The following PPARGC1B variants were observed in gnomAD, a reference collection of about 807,000 sequenced individuals.
PPARGC1B encodes the protein PPARG coactivator 1 beta.
PPARGC1B carries 34 observed loss-of-function variants against 101.6 expected under a neutral mutation model. The ratio of observed to expected loss-of-function variants is 0.33; its 90% CI spans 0.25 to 0.45. The LOEUF (loss-of-function observed/expected upper bound fraction) is 0.45, where lower values mean the gene tolerates loss of function less well. PPARGC1B is among the 20% of genes least tolerant of loss of function. The probability of loss-of-function intolerance (pLI) is 1.00; values close to 1 mark genes in which losing one functional copy is unlikely to be tolerated. For missense variants in PPARGC1B, 1,234 were observed against 1,317.6 expected, an observed-to-expected ratio of 0.94 and a Z score of 0.98; for synonymous variants, 548 against 539.3, an observed-to-expected ratio of 1.02 and a Z score of -0.22.
At chr5:149,803,758 G>T (rs1321021253) in intron 1 of PPARGC1B, among the ~76,000 whole-genome samples, 1 of 152,176 alleles carries the variant, frequency 6.6e-6, no homozygotes, top group Non-Finnish European at 1.5e-5. Flanking sequence ...GAAGAAGGGA[G>T]TGTGGAAACG....
At chr5:149,792,756 TTC>T in intron 1 of PPARGC1B, among the ~76,000 whole-genome samples, 1 of 152,282 alleles carries the variant, frequency 6.6e-6, no homozygotes, top group African/African-American at 2.4e-5. Context: ...CATTCATTCA[TTC>T]ATTCATTCAT....
At position 149,817,678 on chromosome 5, in the gene PPARGC1B, A is replaced by T. The variant is rs181501559; in HGVS notation, c.79-2755A>T. ...CAGTGCCTGGCTCATAGTAGCATTG[A>T]ACATGCCCACTAGAATGGCTAAAAT... On this transcript the variant is annotated intron_variant, in intron 1 of 11. Coordinates refer to ENST00000309241, the MANE Select transcript of PPARGC1B (RefSeq NM_133263.4). The T allele has an allele frequency of 1.6e-4, 73 of 455,456 alleles. No homozygotes were observed. In the East Asian group the frequency reaches 5.0e-3, roughly 31 times the overall value. 28.2% of individuals were successfully genotyped at this position (455,456 alleles called of 1,614,324 possible).
At chr5:149,790,436 G>A (rs1756974971) in intron 1 of PPARGC1B, among the ~76,000 whole-genome samples, 1 of 152,056 alleles carries the variant, frequency 6.6e-6, no homozygotes, top group East Asian at 1.9e-4. Context: ...GTGCAGACAG[G>A]TCTGCAGTCA....
intron 1 of PPARGC1B, among the ~76,000 whole-genome samples, chr5:149,780,455 C>T (rs1272944697): frequency 6.6e-6 from 1 of 152,186 alleles, no homozygotes; most frequent in Non-Finnish European, 1.5e-5. Context: ...GGGTCCCTCT[C>T]CCTCTCCAGG....
chr5:149,745,371 A>G (rs911380761), intron 1 of PPARGC1B, among the ~76,000 whole-genome samples: 1 of 152,220 alleles, frequency 6.6e-6, no homozygotes, highest in Non-Finnish European at 1.5e-5. Context: ...GTAGTTTAAA[A>G]AAGTCATAAT....
intron 1 of PPARGC1B, chr5:149,772,178 G>A: frequency 6.2e-7 from 1 of 1,607,278 alleles, no homozygotes; most frequent in Non-Finnish European, 8.5e-7. Flanking sequence ...TGGCGTTGGT[G>A]GTGAAGGCTT....
chr5:149,758,401 C>T (rs1448253548), intron 1 of PPARGC1B, among the ~76,000 whole-genome samples: 4 of 152,248 alleles, frequency 2.6e-5, no homozygotes, highest in East Asian at 1.9e-4. Context: ...CAGACCATCT[C>T]CATTCTCTTA....
At chr5:149,843,929 A>G (rs1326421659) in intron 10 of PPARGC1B, among the ~76,000 whole-genome samples, 1 of 152,234 alleles carries the variant, frequency 6.6e-6, no homozygotes, top group Admixed American at 6.5e-5. Context: ...CTTATATGCT[A>G]TGTCTAAAGT....
chr5:149,788,531 A>G (rs1479569046), intron 1 of PPARGC1B, among the ~76,000 whole-genome samples: 1 of 152,236 alleles, frequency 6.6e-6, no homozygotes, highest in Non-Finnish European at 1.5e-5. Flanking sequence ...TTCCTTAAGG[A>G]TCTAGAACTA....
intron 1 of PPARGC1B, among the ~76,000 whole-genome samples, chr5:149,807,398 AG>A (rs750758201): frequency 9.2e-5 from 14 of 152,062 alleles, no homozygotes; most frequent in Non-Finnish European, 2.1e-4. Context: ...GCTCATGAGC[AG>A]GGTGTCAGTG....
At chr5:149,800,459 C>T (rs1027020906) in intron 1 of PPARGC1B, among the ~76,000 whole-genome samples, 1 of 152,230 alleles carries the variant, frequency 6.6e-6, no homozygotes. Flanking sequence ...AATTACGAGC[C>T]TGGTCTTTGG....
intron 1 of PPARGC1B, among the ~76,000 whole-genome samples, chr5:149,778,530 C>T (rs1256929075): frequency 6.6e-6 from 1 of 152,108 alleles, no homozygotes; most frequent in African/African-American, 2.4e-5. Flanking sequence ...GCCACACAGT[C>T]CTCATGACCT....
At chr5:149,810,768 G>T (rs927736940) in intron 1 of PPARGC1B, among the ~76,000 whole-genome samples, 12 of 152,196 alleles carry the variant, frequency 7.9e-5, no homozygotes, top group African/African-American at 2.9e-4. Context: ...CCGGCCCTGG[G>T]AGGAGCTGGC....
rs1380593300 is a variant in PPARGC1B, at chr5:149,847,610, C to T, written c.*52C>T. ...CTCAATACCTCAGACAAGGCCCTTC[C>T]AATATGTTTACGTTTTCAAAGAAAT... On this transcript the variant is annotated 3_prime_UTR_variant, in exon 12 of 12. Transcript: ENST00000309241. 7.3e-7 allele frequency: 1 copy of T among 1,364,708 alleles called. No homozygotes were observed. The highest frequency in any genetic ancestry group is 1.0e-6 in the Non-Finnish European group (1 of 958,582). The allele number at this position is 1,364,708 out of a possible 1,614,324, so 84.5% of individuals were successfully genotyped here.
intron 1 of PPARGC1B, among the ~76,000 whole-genome samples, chr5:149,736,272 A>G (rs1423609346): frequency 1.3e-5 from 2 of 152,174 alleles, no homozygotes; most frequent in Admixed American, 6.5e-5. Flanking sequence ...TAAAATGAGC[A>G]TTAACCTGCT....
intron 1 of PPARGC1B, among the ~76,000 whole-genome samples, chr5:149,748,110 G>A (rs966283634): frequency 3.6e-4 from 55 of 152,232 alleles, no homozygotes; most frequent in African/African-American, 7.9e-4. Flanking sequence ...AGTACCAGCC[G>A]GTTCCAGGTG....
At chr5:149,806,618 T>C (rs1280238585) in intron 1 of PPARGC1B, among the ~76,000 whole-genome samples, 1 of 136,034 alleles carries the variant, frequency 7.4e-6, no homozygotes, top group East Asian at 2.2e-4. Flanking sequence ...CTTTTTTTTT[T>C]TTTTTTTTGA....
intron 2 of PPARGC1B, among the ~76,000 whole-genome samples, chr5:149,823,383 C>T (rs182329414): frequency 3.9e-5 from 6 of 152,216 alleles, no homozygotes; most frequent in South Asian, 2.1e-4. Context: ...TGGATAGTAG[C>T]GATCTCTGAT....
At chr5:149,835,267 C>A (rs1758998639) in intron 6 of PPARGC1B, 34 bp from the exon 7 acceptor site, 3 of 1,609,982 alleles carry the variant, frequency 1.9e-6, no homozygotes, top group Non-Finnish European at 2.6e-6. Flanking sequence ...TGCTGACTTG[C>A]TTCTTTCCTT....
Sources: gnomAD v4.1 joint callset for allele counts (sites outside exome capture counted in the v4.1 genomes callset) on GRCh38, gnomAD v4.1.1 for gene constraint, MANE v1.5 for transcripts, NCBI Gene and HGNC (gene_info 2026-07-23, HGNC 2026-07-21) for gene names.